The following PECAM1 variants were observed in gnomAD, a reference collection of about 807,000 sequenced individuals.
The protein encoded by PECAM1 is platelet and endothelial cell adhesion molecule 1.
Under a neutral mutation model 13.8 loss-of-function variants are expected in PECAM1, and 8 were observed. The ratio of observed to expected loss-of-function variants is 0.58; its 90% CI spans 0.34 to 1.05. The LOEUF is 1.05. Ranked by LOEUF, PECAM1 falls within the 50% of genes least tolerant of loss-of-function variation. The pLI, the probability that PECAM1 is intolerant of heterozygous loss-of-function variation, is 0.03. For synonymous variants in PECAM1, 136 were observed against 52.6 expected (o/e 2.58, Z -6.86); for missense variants, 304 against 141.2 (o/e 2.15, Z -5.84).
intron 2 of PECAM1, among the ~76,000 whole-genome samples, chr17:64,381,603 C>T (rs2036481935): frequency 6.6e-6 from 1 of 152,150 alleles, no homozygotes; most frequent in African/African-American, 2.4e-5. Context: ...TTTGCGCCTG[C>T]TGCTATATTC....
intron 13 of PECAM1, among the ~76,000 whole-genome samples, chr17:64,344,446 ATGGGGTT>A (rs1296162802): frequency 2.0e-5 from 3 of 152,004 alleles, no homozygotes; most frequent in Non-Finnish European, 4.4e-5. Flanking sequence ...CTTCAACGTC[ATGGGGTT>A]TTCCCAGCAA....
At chr17:64,373,456 T>C (rs889915025) in intron 4 of PECAM1, among the ~76,000 whole-genome samples, 8 of 152,216 alleles carry the variant, frequency 5.3e-5, no homozygotes, top group African/African-American at 1.9e-4. Context: ...TAAGATTTTG[T>C]CTGGTTTTTA....
intron 2 of PECAM1, among the ~76,000 whole-genome samples, chr17:64,378,478 C>T (rs2036412626): frequency 6.6e-6 from 1 of 152,082 alleles, no homozygotes; most frequent in Admixed American, 6.6e-5. Flanking sequence ...CCCCTCTCTA[C>T]TAAAAATACA....
chr17:64,346,784 C>T (rs1215971880), intron 13 of PECAM1, among the ~76,000 whole-genome samples: 7 of 152,210 alleles, frequency 4.6e-5, no homozygotes, highest in African/African-American at 1.7e-4. Flanking sequence ...GAACCACATA[C>T]ACAAAAACAA....
chr17:64,353,370 A>C, intron 10 of PECAM1, 121 bp downstream of exon 10: 2 of 404,930 alleles, frequency 4.9e-6, no homozygotes, highest in Non-Finnish European at 9.0e-6. Flanking sequence ...CACCCAAGGA[A>C]GGCCTATATT....
intron 15 of PECAM1, among the ~76,000 whole-genome samples, chr17:64,328,279 G>A (rs1244850729): frequency 6.8e-6 from 1 of 146,250 alleles, no homozygotes; most frequent in Non-Finnish European, 1.6e-5. Context: ...TCTGTGTCCC[G>A]CACTGCCCAG....
In PECAM1 at chr17:64,390,622, A is replaced by T. The variant is rs1598064856; in HGVS notation, c.44T>A (p.Val15Asp). Residue 15 changes from valine (V) to aspartate (D), a missense_variant, in exon 1 of 16, where the codon GTC becomes GAC. By Grantham distance (152) the Val-to-Asp change is radical. Transcript: ENST00000563924. ...WAQGATMWLGVLLTLLLCSSL... is the reference protein window; with the variant it reads ...WAQGATMWLGDLLTLLLCSSL... ...CTCACAGAGCAGAAGGGTCAGCAGGACTCCAAGCCACATCGTGGCCCCTTG... is the reference window on the plus strand; with the variant it reads ...CTCACAGAGCAGAAGGGTCAGCAGGTCTCCAAGCCACATCGTGGCCCCTTG... 4.3e-6 allele frequency: 2 copies of T among 468,936 alleles called. No individual in the cohort carries two copies. The highest frequency in any genetic ancestry group is 4.0e-5 in the African/African-American group (2 of 50,354). The allele number at this position is 468,936 out of a possible 1,614,324, so 29.0% of individuals were successfully genotyped here. A position where few individuals can be genotyped will look rare whatever the true frequency, so the allele number is the denominator to read the frequency against.
At chr17:64,341,264 C>CA (rs1397695290) in intron 14 of PECAM1, among the ~76,000 whole-genome samples, 4,305 of 136,098 alleles carry the variant, frequency 0.032, 203 homozygotes, top group African/African-American at 0.1. Flanking sequence ...ACTCCATATC[C>CA]AAAAAAAAAA....
chr17:64,388,304 G>T (rs2036642650), intron 2 of PECAM1, among the ~76,000 whole-genome samples: 1 of 152,084 alleles, frequency 6.6e-6, no homozygotes, highest in African/African-American at 2.4e-5. Context: ...GGTGTGGTCT[G>T]GGAGGGTACG....
At chr17:64,347,185 A>G (rs1485014537) in intron 13 of PECAM1, among the ~76,000 whole-genome samples, 12 of 152,216 alleles carry the variant, frequency 7.9e-5, no homozygotes, top group Admixed American at 7.9e-4. Context: ...CCAGGGCAAC[A>G]TGGCGAAACC....
chr17:64,328,941 T>A (rs1216828711), intron 15 of PECAM1, among the ~76,000 whole-genome samples: 1 of 152,178 alleles, frequency 6.6e-6, no homozygotes, highest in Non-Finnish European at 1.5e-5. Context: ...CCTAACTCCA[T>A]TTCCTACAGA....
chr17:64,375,364 G>A lies in PECAM1; in HGVS notation c.386-8C>T, dbSNP rs1355623142. ...CCCTGGGACTGGGCACTCCTACGGG[G>A]AAAGAGAAAGTCTGTCAGTATCAGC... On this transcript the variant is annotated splice_polypyrimidine_tract_variant and splice_region_variant and intron_variant, in intron 3 of 15. Transcript: ENST00000563924. 3.5e-5 allele frequency: 16 copies of A among 462,314 alleles called. No individual in the cohort carries two copies. The highest frequency in any genetic ancestry group is 5.1e-5 in the Non-Finnish European group (13 of 254,314). The allele number at this position is 462,314 out of a possible 1,614,324, so 28.6% of individuals were successfully genotyped here.
chr17:64,321,654 A>G lies in PECAM1; in HGVS notation c.*2162T>C. 1 of 553,390 alleles carries G rather than the reference A, an allele frequency of 1.8e-6. No homozygotes were observed. Among genetic ancestry groups the G allele is most frequent in the Non-Finnish European group, 2.5e-6 (1 of 399,714 alleles). The allele number at this position is 553,390 out of a possible 1,614,324, so 34.3% of individuals were successfully genotyped here. On this transcript the variant is annotated 3_prime_UTR_variant, in exon 16 of 16. Coordinates refer to ENST00000563924, the MANE Select transcript of PECAM1 (RefSeq NM_000442.5). ...CTCACGCCTCTGGTCCCAGCTACCC[A>G]GGAAGCTGAGATGGGAGGATCGCTT...
intron 14 of PECAM1, 69 bp downstream of exon 14, chr17:64,341,565 A>G (rs1300517805): frequency 2.4e-6 from 1 of 415,788 alleles, no homozygotes; most frequent in Non-Finnish European, 4.4e-6. Flanking sequence ...TTCTCTGCCC[A>G]CTCCCAAGGC....
intron 14 of PECAM1, among the ~76,000 whole-genome samples, chr17:64,332,287 A>T (rs536695304): frequency 6.6e-6 from 1 of 152,202 alleles, no homozygotes; most frequent in East Asian, 1.9e-4. Flanking sequence ...AGCACCCCCA[A>T]TGCAAATCTG....
At chr17:64,366,210 A>G (rs1242096840) in intron 5 of PECAM1, among the ~76,000 whole-genome samples, 1 of 149,304 alleles carries the variant, frequency 6.7e-6, no homozygotes, top group East Asian at 2.0e-4. Context: ...ACAGCCAAAA[A>G]ACACATGAAA....
intron 7 of PECAM1, among the ~76,000 whole-genome samples, chr17:64,358,057 T>G (rs2035885134): frequency 6.6e-6 from 1 of 150,650 alleles, no homozygotes; most frequent in Admixed American, 6.7e-5. Flanking sequence ...TATCCGGTGA[T>G]TCTCCATTCC....
intron 2 of PECAM1, among the ~76,000 whole-genome samples, chr17:64,385,333 GCT>G (rs2036569826): frequency 2.0e-5 from 3 of 152,296 alleles, no homozygotes; most frequent in Admixed American, 2.0e-4. Flanking sequence ...GGATGGTGGT[GCT>G]CCCTGGAAAC....
At chr17:64,333,943 CAAAAA>C (rs869179014) in intron 14 of PECAM1, among the ~76,000 whole-genome samples, 5,571 of 69,562 alleles carry the variant, frequency 0.08, 506 homozygotes, top group African/African-American at 0.29. Flanking sequence ...GACCCTGTCT[CAAAAA>C]AAAAAAAAAA....
Sources: gnomAD v4.1 joint callset for allele counts (sites outside exome capture counted in the v4.1 genomes callset) on GRCh38, gnomAD v4.1.1 for gene constraint, MANE v1.5 for transcripts, NCBI Gene and HGNC (gene_info 2026-07-23, HGNC 2026-07-21) for gene names.